Variants in FAT3 observed in about 807,000 individuals in gnomAD.
FAT3 encodes FAT atypical cadherin 3, also known as protocadherin Fat 3.
Under a neutral mutation model 310.2 loss-of-function variants are expected in FAT3, and 95 were observed. That is an observed-to-expected ratio of 0.31 (90% CI 0.26 to 0.36). The LOEUF (loss-of-function observed/expected upper bound fraction) is 0.36, where lower values mean the gene tolerates loss of function less well. Among genes scored for constraint, FAT3 ranks in the 10% least tolerant of loss-of-function variants. FAT3 has a pLI of 1.00. For missense variants in FAT3, 5,408 were observed against 5,715.6 expected (o/e 0.95, Z 1.74); for synonymous variants, 2,314 against 2,192.9 (o/e 1.06, Z -1.54).
chr11:92,426,689 T>TA (rs996507462), intron 2 of FAT3, among the ~76,000 whole-genome samples: 1 of 152,150 alleles, frequency 6.6e-6, no homozygotes, highest in Non-Finnish European at 1.5e-5. Context: ...TGGTTGTAGA[T>TA]ATGTGGTGTT....
intron 3 of FAT3, among the ~76,000 whole-genome samples, chr11:92,624,760 C>T (rs1373298881): frequency 6.6e-6 from 1 of 152,174 alleles, no homozygotes; most frequent in Non-Finnish European, 1.5e-5. Flanking sequence ...GCACCACAAA[C>T]TGAGTGACTT....
intron 1 of FAT3, among the ~76,000 whole-genome samples, chr11:92,312,344 C>T (rs1019108530): frequency 6.6e-5 from 10 of 152,190 alleles, no homozygotes; most frequent in Admixed American, 3.9e-4. Flanking sequence ...ATTGCAAAAT[C>T]TTTTCTGCTT....
chr11:92,336,350 C>T (rs781734249), intron 1 of FAT3: 57 of 387,964 alleles, frequency 1.5e-4, no homozygotes, highest in African/African-American at 8.2e-4. Flanking sequence ...CGGTCAGTTC[C>T]GGGGGCTGTT....
At chr11:92,232,628 GTTTTTTTTTTTTTTT>G (rs56273706) in intron 1 of FAT3, among the ~76,000 whole-genome samples, 1 of 74,730 alleles carries the variant, frequency 1.3e-5, no homozygotes, top group Non-Finnish European at 2.4e-5. Flanking sequence ...CAGTGATGTC[GTTTTTTTTTTTTTTT>G]TTTTTTTTTT....
At chr11:92,247,316 G>T (rs998653476) in intron 1 of FAT3, among the ~76,000 whole-genome samples, 5 of 150,346 alleles carry the variant, frequency 3.3e-5, no homozygotes, top group Admixed American at 1.3e-4. Context: ...GCTGAGCCTT[G>T]AAACCATGTC....
chr11:92,435,568 CTTTTTTT>C (rs375065009), intron 2 of FAT3, among the ~76,000 whole-genome samples: 2 of 92,676 alleles, frequency 2.2e-5, no homozygotes, highest in Non-Finnish European at 4.7e-5. Flanking sequence ...TATTCTTTCT[CTTTTTTT>C]TTTTTTTTGA....
chr11:92,890,984 G>A lies in FAT3; in HGVS notation c.13641G>A (p.Ser4547=), dbSNP rs779044600. 2.4e-5 allele frequency: 39 copies of A among 1,613,864 alleles called. No homozygotes were observed. The highest frequency in any genetic ancestry group is 5.3e-5 in the African/African-American group (4 of 75,052). Residue 4547 remains serine (S), a synonymous_variant, in exon 28 of 28, where the codon TCG becomes TCA. Transcript: ENST00000525166. The stretch of plus-strand genomic sequence containing the variant: ...ACAATTCCAGAGGCACCTCATCCTC[G>A]GATGTGTCTGCCAACTGCGGCTTTG... ...SLHNSRGTSS[S]DVSANCGFDD...
At chr11:92,649,452 T>G (rs889270404) in intron 3 of FAT3, among the ~76,000 whole-genome samples, 4 of 152,186 alleles carry the variant, frequency 2.6e-5, no homozygotes, top group African/African-American at 9.6e-5. Flanking sequence ...GCTCTAGACC[T>G]CTCCTGAAAT....
intron 3 of FAT3, among the ~76,000 whole-genome samples, chr11:92,667,955 C>G (rs574384995): frequency 6.6e-6 from 1 of 152,278 alleles, no homozygotes; most frequent in East Asian, 1.9e-4. Context: ...TTTCCTTGTG[C>G]AAATAGAGGT....
chr11:92,625,127 A>T (rs1167367561), intron 3 of FAT3, among the ~76,000 whole-genome samples: 1 of 152,202 alleles, frequency 6.6e-6, no homozygotes, highest in African/African-American at 2.4e-5. Flanking sequence ...GAACACGAGA[A>T]AAGGAGATTT....
chr11:92,388,294 C>G (rs1949673452), intron 2 of FAT3, among the ~76,000 whole-genome samples: 1 of 152,068 alleles, frequency 6.6e-6, no homozygotes, highest in Admixed American at 6.6e-5. Flanking sequence ...CCCTCACTCC[C>G]TTACATGGTC....
intron 4 of FAT3, among the ~76,000 whole-genome samples, chr11:92,712,180 C>T (rs1292670360): frequency 6.6e-6 from 1 of 152,080 alleles, no homozygotes; most frequent in Non-Finnish European, 1.5e-5. Flanking sequence ...TATGCCTTCT[C>T]ATGTTTAAAA....
intron 2 of FAT3, among the ~76,000 whole-genome samples, chr11:92,393,747 G>A (rs903931768): frequency 6.6e-6 from 1 of 152,122 alleles, no homozygotes; most frequent in Non-Finnish European, 1.5e-5. Context: ...CTACTGGCTC[G>A]TTAGTGAGAA....
chr11:92,413,538 T>G (rs565428844), intron 2 of FAT3, among the ~76,000 whole-genome samples: 1 of 152,294 alleles, frequency 6.6e-6, no homozygotes, highest in Admixed American at 6.5e-5. Flanking sequence ...GTTTTTCTGT[T>G]TCTGTGGGAA....
At chr11:92,263,618 A>AGT (rs555917659) in intron 1 of FAT3, among the ~76,000 whole-genome samples, 3,609 of 147,540 alleles carry the variant, frequency 0.024, 72 homozygotes, top group African/African-American at 0.05. Context: ...TTTGAATATA[A>AGT]GTGTGTGTGT....
At chr11:92,622,926 C>G (rs2135673929) in intron 3 of FAT3, among the ~76,000 whole-genome samples, 1 of 152,144 alleles carries the variant, frequency 6.6e-6, no homozygotes, top group South Asian at 2.1e-4. Context: ...GAATTATGAC[C>G]CTACTCCTGG....
intron 4 of FAT3, among the ~76,000 whole-genome samples, chr11:92,713,195 T>C (rs1456842795): frequency 6.6e-6 from 1 of 152,206 alleles, no homozygotes; most frequent in African/African-American, 2.4e-5. Flanking sequence ...TGCCCTTGAC[T>C]ACCACAACTG....
chr11:92,499,487 G>T (rs1952864861), intron 2 of FAT3, among the ~76,000 whole-genome samples: 1 of 151,990 alleles, frequency 6.6e-6, no homozygotes, highest in South Asian at 2.1e-4. Context: ...AATATCAACG[G>T]TTTTGATTAT....
chr11:92,268,120 A>G lies in FAT3; in HGVS notation c.-18+42946A>G, dbSNP rs146658176. ...AGAAAGAAAACAAACACTGGTCCCA[A>G]CTCTGTGCTAATAGCTTTCAGTACC... is the stretch of plus-strand genomic sequence containing the variant. On this transcript the variant is annotated intron_variant, in intron 1 of 27. Transcript: ENST00000525166. Among the ~76,000 whole-genome samples the G allele has an allele frequency of 2.0e-3, 300 of 152,142 alleles. 1 individual carries two copies. Among genetic ancestry groups the G allele is most frequent in the African/African-American group, 4.8e-3 (200 of 41,526 alleles).
Sources: gnomAD v4.1 joint callset for allele counts (sites outside exome capture counted in the v4.1 genomes callset) on GRCh38, gnomAD v4.1.1 for gene constraint, MANE v1.5 for transcripts, NCBI Gene and HGNC (gene_info 2026-07-23, HGNC 2026-07-21) for gene names.